The following ELOVL4 variants were observed in gnomAD, a reference collection of about 807,000 sequenced individuals.
The protein encoded by ELOVL4 is ELOVL fatty acid elongase 4.
Under a neutral mutation model 42.1 loss-of-function variants are expected in ELOVL4, and 18 were observed. That is an observed-to-expected ratio of 0.43 (90% CI 0.30 to 0.63). ELOVL4 has a LOEUF of 0.63. ELOVL4 is among the 30% of genes least tolerant of loss of function. The probability of loss-of-function intolerance (pLI) is 0.15; values close to 1 mark genes in which losing one functional copy is unlikely to be tolerated. For synonymous variants in ELOVL4, 117 were observed against 127.0 expected (o/e 0.92, Z 0.53); for missense variants, 299 against 376.2 (o/e 0.79, Z 1.70).
At chr6:79,929,352 C>G (rs1774404616) in intron 1 of ELOVL4, among the ~76,000 whole-genome samples, 1 of 152,166 alleles carries the variant, frequency 6.6e-6, no homozygotes, top group South Asian at 2.1e-4. Flanking sequence ...GCCATCCTCC[C>G]ACCTCAGACT....
intron 1 of ELOVL4, among the ~76,000 whole-genome samples, chr6:79,928,766 G>A (rs1774393973): frequency 8.7e-6 from 1 of 115,464 alleles, no homozygotes; most frequent in South Asian, 3.1e-4. Flanking sequence ...AAGAAATGGA[G>A]TCTCATTCTA....
intron 3 of ELOVL4, 113 bp downstream of exon 3, chr6:79,924,839 T>G (rs2127699097): frequency 1.4e-6 from 1 of 724,604 alleles, no homozygotes; most frequent in Non-Finnish European, 2.5e-6. Flanking sequence ...TGTCTCTAAA[T>G]GAATGTTAAA....
chr6:79,932,022 C>A (rs1774453703), intron 1 of ELOVL4, among the ~76,000 whole-genome samples: 1 of 152,124 alleles, frequency 6.6e-6, no homozygotes, highest in East Asian at 1.9e-4. Flanking sequence ...TACACCTTAA[C>A]CCTTGCGGAC....
At chr6:79,940,476 T>C (rs1275022341) in intron 1 of ELOVL4, among the ~76,000 whole-genome samples, 1 of 152,210 alleles carries the variant, frequency 6.6e-6, no homozygotes, top group Non-Finnish European at 1.5e-5. Flanking sequence ...TTTACAAAAA[T>C]CTTAAGCCAT....
chr6:79,946,527 T>C (rs1774744210), intron 1 of ELOVL4, among the ~76,000 whole-genome samples: 2 of 152,230 alleles, frequency 1.3e-5, no homozygotes, highest in Non-Finnish European at 2.9e-5. Context: ...CTGACTGCAC[T>C]GCAGTGCGCA....
chr6:79,939,489 T>C (rs891392065), intron 1 of ELOVL4, among the ~76,000 whole-genome samples: 3 of 150,930 alleles, frequency 2.0e-5, no homozygotes, highest in African/African-American at 7.3e-5. Context: ...TTTCTGTTTC[T>C]ATTAATTTGA....
chr6:79,927,872 T>C (rs1278143038), intron 1 of ELOVL4, among the ~76,000 whole-genome samples: 4 of 152,280 alleles, frequency 2.6e-5, no homozygotes, highest in East Asian at 1.9e-4. Context: ...ACCAATATAT[T>C]TGAACCACAG....
intron 1 of ELOVL4, among the ~76,000 whole-genome samples, chr6:79,939,155 T>C (rs1299454730): frequency 6.6e-6 from 1 of 152,214 alleles, no homozygotes; most frequent in African/African-American, 2.4e-5. Flanking sequence ...CTATATAGTC[T>C]CTTTATAAAG....
intron 1 of ELOVL4, among the ~76,000 whole-genome samples, chr6:79,934,653 G>C (rs1489595766): frequency 1.3e-5 from 2 of 151,998 alleles, no homozygotes; most frequent in Admixed American, 1.3e-4. Context: ...TCTGAATATG[G>C]ACTCTCAAAT....
Position 79,916,444 on chromosome 6 carries a change from G to C in ELOVL4, c.*164C>G. On this transcript the variant is annotated 3_prime_UTR_variant, in exon 6 of 6. Coordinates refer to ENST00000369816, the MANE Select transcript of ELOVL4 (RefSeq NM_022726.4). ...AAAAACTTCATAAATAAAACATCTG[G>C]GTATGGTATTAACACTTTACTCAGT... is the stretch of plus-strand genomic sequence containing the variant. The C allele has an allele frequency of 1.4e-6, 1 of 739,700 alleles. No individual in the cohort carries two copies. The highest frequency in any genetic ancestry group is 2.3e-6 in the Non-Finnish European group (1 of 443,998). The allele number at this position is 739,700 out of a possible 1,614,324, so 45.8% of individuals were successfully genotyped here.
Position 79,916,558 on chromosome 6 carries a change from G to T in ELOVL4, c.*50C>A. ...TTCTGTTTTCCCTGAAATTTTATAT[G>T]ATATGGGAGTTTTTCCTCACTGTCA... On this transcript the variant is annotated 3_prime_UTR_variant, in exon 6 of 6. Coordinates refer to ENST00000369816, the MANE Select transcript of ELOVL4 (RefSeq NM_022726.4). The T allele has an allele frequency of 1.2e-6, 2 of 1,607,316 alleles. No individual in the cohort carries two copies. Among genetic ancestry groups the T allele is most frequent in the Non-Finnish European group, 1.7e-6 (2 of 1,176,200 alleles).
chr6:79,921,912 T>A (rs1049752838), intron 3 of ELOVL4, 116 bp from the exon 4 acceptor site: 1 of 1,017,656 alleles, frequency 9.8e-7, no homozygotes, highest in Non-Finnish European at 1.5e-6. Context: ...GTACAAGGCA[T>A]GGAATCATTA....
intron 5 of ELOVL4, among the ~76,000 whole-genome samples, chr6:79,918,226 T>G (rs1335286676): frequency 3.9e-5 from 6 of 152,210 alleles, no homozygotes; most frequent in Non-Finnish European, 8.8e-5. Flanking sequence ...ATATTAAACT[T>G]TTATAATTTT....
Position 79,916,599 on chromosome 6 carries a change from C to T in ELOVL4, c.*9G>A. The stretch of plus-strand genomic sequence containing the variant: ...CTCACTGTCAACAACAGTTAAGGCC[C>T]AGTTCAATTTAATCTCCTTTTGCTT... On this transcript the variant is annotated 3_prime_UTR_variant, in exon 6 of 6. Transcript: ENST00000369816. The T allele has an allele frequency of 6.2e-7, 1 of 1,613,336 alleles. No individual in the cohort carries two copies. The highest frequency in any genetic ancestry group is 8.5e-7 in the Non-Finnish European group (1 of 1,179,950).
intron 1 of ELOVL4, among the ~76,000 whole-genome samples, chr6:79,931,503 C>T (rs537339782): frequency 7.2e-5 from 11 of 152,030 alleles, no homozygotes; most frequent in Non-Finnish European, 1.5e-4. Flanking sequence ...GATACAAATG[C>T]TATATTTTAA....
At chr6:79,921,130 T>C (rs1774244621) in intron 4 of ELOVL4, among the ~76,000 whole-genome samples, 1 of 152,046 alleles carries the variant, frequency 6.6e-6, no homozygotes, top group African/African-American at 2.4e-5. Context: ...TAGTCACAGA[T>C]AAAAAGCAAA....
intron 1 of ELOVL4, among the ~76,000 whole-genome samples, chr6:79,943,440 A>G (rs1774680035): frequency 6.6e-6 from 1 of 152,160 alleles, no homozygotes. Context: ...GACAGTACTC[A>G]CATCAACTCC....
chr6:79,919,115 G>GT (rs1774207280), intron 5 of ELOVL4, among the ~76,000 whole-genome samples: 1 of 89,076 alleles, frequency 1.1e-5, no homozygotes, highest in Non-Finnish European at 2.3e-5. Context: ...TTCATACTAC[G>GT]TACTTTGTAG....
chr6:79,939,049 G>A (rs867843255), intron 1 of ELOVL4, among the ~76,000 whole-genome samples: 2 of 152,172 alleles, frequency 1.3e-5, no homozygotes, highest in African/African-American at 4.8e-5. Context: ...TTATTGTGAA[G>A]TTGTTTGTAA....
Sources: gnomAD v4.1 joint callset for allele counts (sites outside exome capture counted in the v4.1 genomes callset) on GRCh38, gnomAD v4.1.1 for gene constraint, MANE v1.5 for transcripts, NCBI Gene and HGNC (gene_info 2026-07-23, HGNC 2026-07-21) for gene names.